XRCC5: variants seen among roughly 807,000 people sequenced by gnomAD.
XRCC5 encodes X-ray repair cross complementing 5.
In XRCC5, 12 loss-of-function variants were observed where a neutral mutation model predicts 95.7. The ratio of observed to expected loss-of-function variants is 0.13; its 90% CI spans 0.08 to 0.20. XRCC5 has a LOEUF of 0.20. Among genes scored for constraint, XRCC5 ranks in the 10% least tolerant of loss-of-function variants. XRCC5 has a pLI of 1.00. For synonymous variants in XRCC5, 281 were observed against 290.3 expected, an observed-to-expected ratio of 0.97 and a Z score of 0.33; for missense variants, 595 against 873.9, an observed-to-expected ratio of 0.68 and a Z score of 4.02.
Position 216,135,826 on chromosome 2 carries a change from G to A in XRCC5, c.1114-1262G>A, listed in dbSNP as rs557270728. 2.6e-5 allele frequency among the ~76,000 whole-genome samples: 4 copies of A among 151,934 alleles called. No homozygotes were observed. The East Asian group carries it at 7.8e-4, about 30-fold the overall frequency. On this transcript the variant is annotated intron_variant, in intron 10 of 20. Coordinates refer to ENST00000392132, the MANE Select transcript of XRCC5 (RefSeq NM_021141.4). Reference sequence around the variant, plus strand: ...AAAAAAAAAAGTGAAGGATGAGAATGGTGCGGTGGCATTATCAAAGACCGG... The same window carrying A: ...AAAAAAAAAAGTGAAGGATGAGAATAGTGCGGTGGCATTATCAAAGACCGG...
chr2:216,167,307 T>C (rs1051636233), intron 16 of XRCC5, among the ~76,000 whole-genome samples: 4 of 152,170 alleles, frequency 2.6e-5, no homozygotes, highest in Non-Finnish European at 4.4e-5. Flanking sequence ...AAACATCCTT[T>C]CATTTTTAAA....
intron 16 of XRCC5, chr2:216,175,905 C>A (rs1374605657): frequency 2.0e-5 from 8 of 401,696 alleles, no homozygotes; most frequent in African/African-American, 1.5e-4. Context: ...AAGCTCAGAC[C>A]ACCAATAAAC....
intron 5 of XRCC5, among the ~76,000 whole-genome samples, chr2:216,121,448 A>C (rs1355297329): frequency 6.6e-6 from 1 of 152,178 alleles, no homozygotes; most frequent in Non-Finnish European, 1.5e-5. Context: ...CTTTGCTCTC[A>C]AGATGGTGCC....
intron 14 of XRCC5, among the ~76,000 whole-genome samples, chr2:216,149,942 C>G (rs1688713004): frequency 1.3e-5 from 2 of 152,178 alleles, no homozygotes. Context: ...CCTATTCTCT[C>G]TCTCTTCTGA....
At chr2:216,172,329 C>T (rs974960866) in intron 16 of XRCC5, among the ~76,000 whole-genome samples, 1 of 151,920 alleles carries the variant, frequency 6.6e-6, no homozygotes, top group African/African-American at 2.4e-5. Context: ...TACAAAGGGC[C>T]TCAGAAGGAA....
intron 19 of XRCC5, among the ~76,000 whole-genome samples, chr2:216,199,808 A>ATT (rs879564899): frequency 0.34 from 40,864 of 121,104 alleles, 7,366 homozygotes; most frequent in East Asian, 0.59. Flanking sequence ...TGGCATTGGG[A>ATT]TCTTTTTTTT....
chr2:216,132,669 G>A (rs575875128), intron 10 of XRCC5, among the ~76,000 whole-genome samples: 1 of 152,298 alleles, frequency 6.6e-6, no homozygotes, highest in South Asian at 2.1e-4. Context: ...GAGGGTTGGG[G>A]TCAGGTTGAC....
At chr2:216,154,497 C>T (rs1445255139) in intron 14 of XRCC5, among the ~76,000 whole-genome samples, 1 of 152,188 alleles carries the variant, frequency 6.6e-6, no homozygotes, top group Non-Finnish European at 1.5e-5. Context: ...CTCATTTTAG[C>T]CTGCCTCACT....
chr2:216,141,157 T>C, intron 12 of XRCC5, 29 bp from the exon 13 acceptor site: 1 of 1,609,390 alleles, frequency 6.2e-7, no homozygotes, highest in Non-Finnish European at 8.5e-7. Context: ...ATGGAAATAA[T>C]CATTTTTCTT....
intron 16 of XRCC5, among the ~76,000 whole-genome samples, chr2:216,178,791 C>T (rs1689326114): frequency 6.6e-6 from 1 of 152,178 alleles, no homozygotes; most frequent in South Asian, 2.1e-4. Context: ...AGACTGTCTA[C>T]TCCCCTAAGT....
chr2:216,138,313 C>T (rs1697121848), intron 12 of XRCC5, 134 bp downstream of exon 12: 1 of 749,920 alleles, frequency 1.3e-6, no homozygotes, highest in South Asian at 1.6e-5. Context: ...TACACTTAGA[C>T]ACAGTAATGA....
chr2:216,121,164 T>C (rs1169434507), intron 5 of XRCC5, among the ~76,000 whole-genome samples: 2 of 152,230 alleles, frequency 1.3e-5, no homozygotes, highest in East Asian at 3.8e-4. Context: ...CATTTGTCCT[T>C]TTCTGGTTAT....
chr2:216,197,351 A>G (rs1689743528), intron 19 of XRCC5, among the ~76,000 whole-genome samples: 1 of 150,986 alleles, frequency 6.6e-6, no homozygotes, highest in Non-Finnish European at 1.5e-5. Flanking sequence ...CTCCTGAGAC[A>G]GGAGAACCGC....
At position 216,125,939 on chromosome 2, in the gene XRCC5, G is replaced by T; in HGVS notation, c.706G>T (p.Val236Phe). The T allele has an allele frequency of 6.2e-7, 1 of 1,613,566 alleles. No homozygotes were observed. The highest frequency in any genetic ancestry group is 8.5e-7 in the Non-Finnish European group (1 of 1,179,562). Residue 236 changes from valine to phenylalanine, a missense_variant, in exon 7 of 21, where the codon GTC becomes TTC. Physicochemically the swap from Val to Phe is conservative, Grantham distance 50. Around this residue, in one of 2 missense-constraint regions of XRCC5, gnomAD observed 286 missense variants for 491.1 expected, o/e 0.58. Coordinates refer to ENST00000392132, the MANE Select transcript of XRCC5 (RefSeq NM_021141.4). ...AAGTGAGAGTCTGAGAAAACTGTGC[G>T]TCTTCAAGAAAATTGAGAGGCATTC... ...SFSESLRKLC[V>F]FKKIERHSIH...
chr2:216,172,204 C>G (rs1455010474), intron 16 of XRCC5, among the ~76,000 whole-genome samples: 1 of 152,044 alleles, frequency 6.6e-6, no homozygotes, highest in South Asian at 2.1e-4. Context: ...TCTATAGATA[C>G]CTGGATTGTC....
chr2:216,155,867 G>C (rs1311368366), intron 14 of XRCC5, among the ~76,000 whole-genome samples: 1 of 152,108 alleles, frequency 6.6e-6, no homozygotes, highest in Non-Finnish European at 1.5e-5. Flanking sequence ...TAACTATGAA[G>C]GGGAAAGGTA....
At chr2:216,134,130 A>G (rs1312107206) in intron 10 of XRCC5, among the ~76,000 whole-genome samples, 1 of 152,246 alleles carries the variant, frequency 6.6e-6, no homozygotes, top group Non-Finnish European at 1.5e-5. Flanking sequence ...AAAAGTCTTT[A>G]TCACCACTAG....
chr2:216,199,527 A>G (rs1689794558), intron 19 of XRCC5, among the ~76,000 whole-genome samples: 1 of 152,200 alleles, frequency 6.6e-6, no homozygotes, highest in South Asian at 2.1e-4. Flanking sequence ...TTTTATTATC[A>G]TTATAACCTG....
At chr2:216,169,760 A>C (rs900802529) in intron 16 of XRCC5, among the ~76,000 whole-genome samples, 1 of 151,474 alleles carries the variant, frequency 6.6e-6, no homozygotes, top group East Asian at 1.9e-4. Context: ...AATGAAATGC[A>C]CCTGGCCGGG....
Sources: gnomAD v4.1 joint callset for allele counts (sites outside exome capture counted in the v4.1 genomes callset) on GRCh38, gnomAD v4.1.1 for gene constraint, gnomAD v4.1.1 regional missense constraint, MANE v1.5 for transcripts, NCBI Gene and HGNC (gene_info 2026-07-23, HGNC 2026-07-21) for gene names.